METTL21A: variants seen among roughly 807,000 people sequenced by gnomAD.
The protein encoded by METTL21A is protein N-lysine methyltransferase METTL21A.
In METTL21A, 22 loss-of-function variants were observed where a neutral mutation model predicts 20.9. The ratio of observed to expected loss-of-function variants is 1.05; its 90% CI spans 0.75 to 1.50. The LOEUF is 1.50. Ranked by LOEUF, METTL21A falls within the 40% of genes most tolerant of loss-of-function variation. METTL21A has a pLI of 0.00. For synonymous variants in METTL21A, 93 were observed against 102.0 expected (o/e 0.91, Z 0.53); for missense variants, 271 against 266.8 (o/e 1.02, Z -0.11).
At chr2:207,625,663 G>T (rs939923061), upstream of METTL21A, 2 of 152,284 alleles carry the variant, frequency 1.3e-5, no homozygotes, top group South Asian at 2.1e-4. Context: ...TAGCGGGAGA[G>T]AAAAGCCACC....
chr2:207,625,228 C>T (rs2090992231), intron 1 of METTL21A: 3 of 152,206 alleles, frequency 2.0e-5, no homozygotes, highest in Admixed American at 2.0e-4. Flanking sequence ...CAGGGCTCGC[C>T]CAGGCCGGGC....
chr2:207,584,717 T>TA (rs2083514338), intron 3 of METTL21A, among the ~76,000 whole-genome samples: 1 of 152,198 alleles, frequency 6.6e-6, no homozygotes, highest in African/African-American at 2.4e-5. Flanking sequence ...TAGTGACTTT[T>TA]ATGTGATTTG....
chr2:207,616,929 G>A (rs1473100228), intron 3 of METTL21A, among the ~76,000 whole-genome samples: 1 of 152,190 alleles, frequency 6.6e-6, no homozygotes, highest in Admixed American at 6.5e-5. Flanking sequence ...ACAGTGGAAG[G>A]CTGCAGTTAA....
In METTL21A at chr2:207,601,011, G is replaced by A. The variant is rs141652982; in HGVS notation, c.260-18851C>T. 1.2e-3 allele frequency: 227 copies of A among 190,752 alleles called. 1 individual carries two copies. Among genetic ancestry groups the A allele is most frequent in the African/African-American group, 4.8e-3 (208 of 43,076 alleles). The allele number at this position is 190,752 out of a possible 1,614,324, so 11.8% of individuals were successfully genotyped here. On this transcript the variant is annotated intron_variant, in intron 3 of 3. Transcript: ENST00000425132. ...GGTCTCTGTTTATTTTGAAGATCAC[G>A]GCTGCTTCATTTTGCAGGATTAAGT...
At chr2:207,604,080 T>C (rs1049517721) in intron 3 of METTL21A, among the ~76,000 whole-genome samples, 2 of 152,166 alleles carry the variant, frequency 1.3e-5, no homozygotes, top group African/African-American at 4.8e-5. Context: ...ATTAATTACA[T>C]GAGGGACAAT....
In METTL21A at chr2:207,624,455, C is replaced by A; in HGVS notation, c.-29-51G>T. 1.4e-6 allele frequency: 2 copies of A among 1,423,566 alleles called. 1 individual carries two copies. The highest frequency in any genetic ancestry group is 1.9e-6 in the Non-Finnish European group (2 of 1,073,692). The allele number at this position is 1,423,566 out of a possible 1,614,324, so 88.2% of individuals were successfully genotyped here. On this transcript the variant is annotated intron_variant, in intron 1 of 3. Transcript: ENST00000406927. Reference sequence around the variant, plus strand: ...ACGCTCTGGCCAAAAGATACATTATCTGTTCTTAACTAACTCCAAATGCTT... The same window carrying A: ...ACGCTCTGGCCAAAAGATACATTATATGTTCTTAACTAACTCCAAATGCTT...
chr2:207,601,894 T>A (rs2087119382), intron 3 of METTL21A: 2 of 214,074 alleles, frequency 9.3e-6, no homozygotes, highest in Admixed American at 1.2e-4. Context: ...ATATTCTTAA[T>A]GTAATAATGT....
downstream of METTL21A, among the ~76,000 whole-genome samples, chr2:207,605,932 G>A (rs1559102708): frequency 6.6e-6 from 1 of 152,156 alleles, no homozygotes; most frequent in Non-Finnish European, 1.5e-5. Context: ...CTATTTTTAT[G>A]TCAAACTTTA....
chr2:207,582,051 T>C (rs1004060469), exon 4 of METTL21A: 2 of 700,692 alleles, frequency 2.9e-6, no homozygotes, highest in Non-Finnish European at 2.6e-6. Flanking sequence ...ATTGGCGATA[T>C]TAACTTTGAT....
Position 207,614,422 on chromosome 2 carries a change from G to A in METTL21A, c.260-979C>T, listed in dbSNP as rs2089415886. Among the ~76,000 whole-genome samples the A allele has an allele frequency of 2.0e-5, 3 of 151,880 alleles. No individual in the cohort carries two copies. In the South Asian group the frequency reaches 6.2e-4, roughly 31 times the overall value. On this transcript the variant is annotated intron_variant, in intron 3 of 3. Transcript: ENST00000406927. ...TCTGGGAGCAGACTATTATTGCAAAGATGACAAGATACCAAAAACAGAGAA... is the reference window on the plus strand; with the variant it reads ...TCTGGGAGCAGACTATTATTGCAAAAATGACAAGATACCAAAAACAGAGAA...
intron 3 of METTL21A, among the ~76,000 whole-genome samples, chr2:207,595,677 A>G (rs960912121): frequency 1.3e-5 from 2 of 150,994 alleles, no homozygotes; most frequent in African/African-American, 4.9e-5. Context: ...CAGTCCTCCC[A>G]CCTCAGCTTC....
chr2:207,593,969 T>C (rs1165471564), intron 3 of METTL21A, among the ~76,000 whole-genome samples: 1 of 152,170 alleles, frequency 6.6e-6, no homozygotes, highest in Non-Finnish European at 1.5e-5. Flanking sequence ...TCTGCCTGCC[T>C]CAGCCTCCCA....
intron 3 of METTL21A, among the ~76,000 whole-genome samples, chr2:207,619,259 T>G (rs979626163): frequency 6.6e-5 from 10 of 152,030 alleles, no homozygotes; most frequent in African/African-American, 2.4e-4. Flanking sequence ...GCCAGCCTGT[T>G]TATTGCCCCA....
rs148334945 is a variant in METTL21A at position 207,587,369 on chromosome 2, G to A, written c.260-5209C>T. Among the ~76,000 whole-genome samples, 922 of 150,850 alleles carry A rather than the reference G, an allele frequency of 6.1e-3. 10 individuals carry two copies. Among genetic ancestry groups the A allele is most frequent in the African/African-American group, 0.021 (856 of 41,020 alleles). ...GATCGCACCACCGCACTACAGCCTG[G>A]GTGACGGAACGAGACTCCATCTCAA... On this transcript the variant is annotated intron_variant, in intron 3 of 3. Transcript: ENST00000425132.
chr2:207,624,295 T>C, exon 2 of METTL21A: 3 of 1,613,926 alleles, frequency 1.9e-6, no homozygotes, highest in Non-Finnish European at 2.5e-6. Flanking sequence ...TCGTGTGGTT[T>C]GCAAAGGAAA....
chr2:207,594,958 T>C (rs2085823172), intron 3 of METTL21A, among the ~76,000 whole-genome samples: 1 of 151,854 alleles, frequency 6.6e-6, no homozygotes, highest in Non-Finnish European at 1.5e-5. Flanking sequence ...GGTTTTGATT[T>C]GCATTTCCCT....
At chr2:207,603,433 G>A in intron 3 of METTL21A, 1 of 224,506 alleles carries the variant, frequency 4.5e-6, no homozygotes, top group East Asian at 6.5e-5. Flanking sequence ...TAAAAACTCT[G>A]TAAGTCTCTT....
chr2:207,624,432 G>T, intron 1 of METTL21A, 28 bp from the exon 2 acceptor site: 1 of 1,553,636 alleles, frequency 6.4e-7, no homozygotes. Context: ...CCTGGGTGAC[G>T]CTCTGGCCAA....
chr2:207,599,746 T>C (rs1301152007), intron 3 of METTL21A: 2 of 195,960 alleles, frequency 1.0e-5, no homozygotes, highest in South Asian at 3.8e-4. Flanking sequence ...CATGAAACTT[T>C]GAGAATCTTT....
Sources: allele counts gnomAD v4.1 joint callset (sites outside exome capture counted in the v4.1 genomes callset), GRCh38; gene constraint gnomAD v4.1.1; transcripts MANE v1.5; gene names NCBI Gene and HGNC (gene_info 2026-07-23, HGNC 2026-07-21).